Variants in LAMP5 observed in about 807,000 individuals in gnomAD.
LAMP5 encodes the protein lysosome-associated membrane glycoprotein 5.
A neutral mutation model predicts 30.2 loss-of-function variants in LAMP5; 36 were observed. The ratio of observed to expected loss-of-function variants is 1.19; its 90% CI spans 0.91 to 1.57. LAMP5 has a LOEUF of 1.57. LAMP5 is among the 40% of genes most tolerant of loss of function. LAMP5 has a pLI of 0.00. For synonymous variants in LAMP5, 149 were observed against 134.6 expected (o/e 1.11, Z -0.74); for missense variants, 377 against 354.9 (o/e 1.06, Z -0.50).
chr20:9,527,837 A>G (rs1171526469), intron 5 of LAMP5, among the ~76,000 whole-genome samples: 2 of 152,192 alleles, frequency 1.3e-5, no homozygotes, highest in African/African-American at 4.8e-5. Flanking sequence ...CTATGAAGCT[A>G]TCTTGAATTT....
intron 4 of LAMP5, 128 bp from the exon 5 acceptor site, chr20:9,517,912 C>A (rs2045052382): frequency 1.4e-6 from 1 of 727,394 alleles, no homozygotes; most frequent in Admixed American, 2.7e-5. Flanking sequence ...AGAGCCCTAG[C>A]CCTGGCAAGG....
At position 9,529,973 on chromosome 20, in the gene LAMP5, T is replaced by G; in HGVS notation, c.*153T>G. ...AGGCTTGCTTGGCTTGTGTCCATGCTTAAACCCACGGAAGGGGGAGACTCT... is the reference window on the plus strand; with the variant it reads ...AGGCTTGCTTGGCTTGTGTCCATGCGTAAACCCACGGAAGGGGGAGACTCT... On this transcript the variant is annotated 3_prime_UTR_variant, in exon 6 of 6. Coordinates refer to ENST00000246070, the MANE Select transcript of LAMP5 (RefSeq NM_012261.4). 1.5e-6 allele frequency: 1 copy of G among 672,632 alleles called. No individual in the cohort carries two copies. The highest frequency in any genetic ancestry group is 2.4e-6 in the Non-Finnish European group (1 of 415,694). 41.7% of individuals were successfully genotyped at this position (672,632 alleles called of 1,614,324 possible).
chr20:9,517,600 C>T (rs1372339078), intron 4 of LAMP5, among the ~76,000 whole-genome samples: 1 of 113,762 alleles, frequency 8.8e-6, no homozygotes, highest in Non-Finnish European at 1.9e-5. Flanking sequence ...TGTCACCATG[C>T]CAGACTAATT....
chr20:9,528,644 A>C (rs573977533), intron 5 of LAMP5, among the ~76,000 whole-genome samples: 1 of 152,284 alleles, frequency 6.6e-6, no homozygotes, highest in African/African-American at 2.4e-5. Context: ...AAAGTAATCA[A>C]CAAATCTAAA....
chr20:9,528,297 GGTGTGTGT>G (rs61258824), intron 5 of LAMP5, among the ~76,000 whole-genome samples: 1 of 140,194 alleles, frequency 7.1e-6, no homozygotes, highest in Non-Finnish European at 1.5e-5. Context: ...GAAGGATATG[GGTGTGTGT>G]GTGTGTGTGT....
Position 9,530,313 on chromosome 20 carries a change from T to C in LAMP5, c.*493T>C, listed in dbSNP as rs1383296250. ...CAGCAAGACCCCTGAAAGTGATTCA[T>C]GCTTCTGGCTGGCATTCTGCATGTT... is the stretch of plus-strand genomic sequence containing the variant. On this transcript the variant is annotated 3_prime_UTR_variant, in exon 6 of 6. Transcript: ENST00000246070. 6.5e-6 allele frequency: 1 copy of C among 152,948 alleles called. No individual in the cohort carries two copies. Among genetic ancestry groups the C allele is most frequent in the Non-Finnish European group, 1.5e-5 (1 of 68,266 alleles). 9.5% of individuals were successfully genotyped at this position (152,948 alleles called of 1,614,324 possible).
chr20:9,515,155 T>C (rs1181157992), intron 1 of LAMP5, among the ~76,000 whole-genome samples: 2 of 149,012 alleles, frequency 1.3e-5, no homozygotes, highest in East Asian at 1.9e-4. Flanking sequence ...GCCAGCTTCG[T>C]GAGGTCAGAG....
chr20:9,525,508 A>G (rs2045106400), intron 5 of LAMP5, among the ~76,000 whole-genome samples: 1 of 152,170 alleles, frequency 6.6e-6, no homozygotes, highest in Non-Finnish European at 1.5e-5. Context: ...TGAGCCCACT[A>G]TCATCTCTTT....
At chr20:9,525,799 G>T (rs1446361495) in intron 5 of LAMP5, among the ~76,000 whole-genome samples, 1 of 152,110 alleles carries the variant, frequency 6.6e-6, no homozygotes, top group Non-Finnish European at 1.5e-5. Context: ...CTGAATACTT[G>T]TAGTTGGGGC....
intron 5 of LAMP5, among the ~76,000 whole-genome samples, chr20:9,526,031 CA>C (rs1236843407): frequency 6.6e-6 from 1 of 152,132 alleles, no homozygotes. Context: ...AATTGCTCTG[CA>C]GGGGAGAGAG....
intron 5 of LAMP5, among the ~76,000 whole-genome samples, chr20:9,522,494 C>T (rs4813892): frequency 2.0e-5 from 3 of 151,930 alleles, no homozygotes; most frequent in Admixed American, 6.6e-5. Context: ...AAGCAGCCAA[C>T]GGTAAATAAT....
At chr20:9,515,360 T>C in intron 1 of LAMP5, 93 bp from the exon 2 acceptor site, 2 of 1,260,822 alleles carry the variant, frequency 1.6e-6, no homozygotes, top group Non-Finnish European at 2.2e-6. Flanking sequence ...ACTTTGTCAC[T>C]CCAAAGCCTG....
At chr20:9,526,874 A>AT (rs2045117276) in intron 5 of LAMP5, among the ~76,000 whole-genome samples, 1 of 106,140 alleles carries the variant, frequency 9.4e-6, no homozygotes, top group Non-Finnish European at 1.9e-5. Context: ...ATATATATAT[A>AT]TATATATATA....
At chr20:9,515,096 CCT>C (rs747301510) in intron 1 of LAMP5, 180 bp downstream of exon 1, 7 of 652,832 alleles carry the variant, frequency 1.1e-5, no homozygotes, top group Non-Finnish European at 1.9e-5. Flanking sequence ...AGGGAATTCC[CCT>C]GAGAGCCATA....
intron 5 of LAMP5, among the ~76,000 whole-genome samples, chr20:9,523,900 T>G (rs1212688709): frequency 6.6e-6 from 1 of 152,372 alleles, no homozygotes; most frequent in East Asian, 1.9e-4. Context: ...CCCTGGGGTA[T>G]ATATAGTTTA....
At chr20:9,516,590 C>A (rs2045042331) in intron 4 of LAMP5, among the ~76,000 whole-genome samples, 1 of 152,134 alleles carries the variant, frequency 6.6e-6, no homozygotes, top group African/African-American at 2.4e-5. Flanking sequence ...CAAACGTCAC[C>A]CGTGGCCTGA....
chr20:9,519,645 A>G (rs2045066442), intron 5 of LAMP5, among the ~76,000 whole-genome samples: 1 of 152,266 alleles, frequency 6.6e-6, no homozygotes, highest in Non-Finnish European at 1.5e-5. Context: ...ATAATCAAGT[A>G]TAATTTGACT....
Position 9,516,097 on chromosome 20 carries a change from A to G in LAMP5, c.335A>G (p.Asp112Gly), listed in dbSNP as rs772027641. The change falls in exon 3 of 6, where the codon GAT becomes GGT. Residue 112 changes from aspartate (D) to glycine (G), a missense_variant. By Grantham distance (94) the Asp-to-Gly change is moderately conservative. Transcript: ENST00000246070. ...SQSELQVFWV[D>G]RAYALKMLFV... is the part of the protein sequence containing the mutation. ...TCGGAGCTGCAAGTGTTCTGGGTGG[A>G]TCGCGCATATGCACTCAAAATGCTC... 6.4e-7 allele frequency: 1 copy of G among 1,550,844 alleles called. No homozygotes were observed. Among genetic ancestry groups the G allele is most frequent in the Non-Finnish European group, 8.7e-7 (1 of 1,154,496 alleles).
At chr20:9,519,285 TACA>T (rs2045064046) in intron 5 of LAMP5, among the ~76,000 whole-genome samples, 1 of 152,214 alleles carries the variant, frequency 6.6e-6, no homozygotes, top group African/African-American at 2.4e-5. Flanking sequence ...CCCAGGTGAA[TACA>T]ACAATGCCAA....
Sources: allele counts gnomAD v4.1 joint callset (sites outside exome capture counted in the v4.1 genomes callset), GRCh38; gene constraint gnomAD v4.1.1; transcripts MANE v1.5; gene names NCBI Gene and HGNC (gene_info 2026-07-23, HGNC 2026-07-21).